The following AGTPBP1 variants were observed in gnomAD, a reference collection of about 807,000 sequenced individuals.
AGTPBP1 encodes ATP/GTP binding carboxypeptidase 1.
In AGTPBP1, 70 loss-of-function variants were observed where a neutral mutation model predicts 143.9. The ratio of observed to expected loss-of-function variants is 0.49; its 90% CI spans 0.40 to 0.59. The LOEUF (loss-of-function observed/expected upper bound fraction) is 0.59. AGTPBP1 is among the 20% of genes least tolerant of loss of function. The pLI is 0.00. For missense variants in AGTPBP1, 1,229 were observed against 1,464.5 expected, an observed-to-expected ratio of 0.84 and a Z score of 2.62; for synonymous variants, 463 against 500.2, an observed-to-expected ratio of 0.93 and a Z score of 0.99.
chr9:85,721,628 T>C (rs1182775373), intron 1 of AGTPBP1, among the ~76,000 whole-genome samples: 1 of 152,188 alleles, frequency 6.6e-6, no homozygotes, highest in African/African-American at 2.4e-5. Flanking sequence ...TTATCCAATT[T>C]GCCAGTCTAT....
upstream of AGTPBP1, among the ~76,000 whole-genome samples, chr9:85,744,220 A>ACACC (rs1766259144): frequency 6.6e-6 from 1 of 151,850 alleles, no homozygotes; most frequent in South Asian, 2.1e-4. Flanking sequence ...CATTAATACC[A>ACACC]CACCCACCTC....
the AGTPBP1 span, among the ~76,000 whole-genome samples, chr9:85,783,326 T>C: frequency 6.6e-6 from 1 of 152,342 alleles, no homozygotes; most frequent in African/African-American, 2.4e-5. Flanking sequence ...ATAAAAATAA[T>C]GTATAGTCAT....
At chr9:85,621,447 G>A (rs1238588323) in intron 14 of AGTPBP1, among the ~76,000 whole-genome samples, 162 bp from the exon 15 acceptor site, 2 of 150,832 alleles carry the variant, frequency 1.3e-5, no homozygotes, top group African/African-American at 2.4e-5. Context: ...CTAGCAATAC[G>A]TAATAAGACA....
intron 1 of AGTPBP1, among the ~76,000 whole-genome samples, chr9:85,715,155 G>A (rs1269494829): frequency 2.6e-5 from 4 of 151,952 alleles, no homozygotes; most frequent in African/African-American, 9.7e-5. Flanking sequence ...GCTGAGGCAG[G>A]AGAATCACTT....
chr9:85,584,009 A>T (rs1828448783), intron 23 of AGTPBP1, among the ~76,000 whole-genome samples: 1 of 151,866 alleles, frequency 6.6e-6, no homozygotes, highest in African/African-American at 2.4e-5. Context: ...CCAAGCAGAA[A>T]CGACTGGGTG....
chr9:85,730,100 A>C (rs1204765582), intron 1 of AGTPBP1, among the ~76,000 whole-genome samples: 1 of 152,182 alleles, frequency 6.6e-6, no homozygotes. Context: ...GCAATTTCAC[A>C]ATTAGACCAG....
chr9:85,654,709 G>A (rs1833384810), intron 11 of AGTPBP1, among the ~76,000 whole-genome samples: 1 of 151,964 alleles, frequency 6.6e-6, no homozygotes, highest in South Asian at 2.1e-4. Flanking sequence ...CGGGAATGGT[G>A]GCACAGGCCT....
At chr9:85,584,527 T>C (rs942980693) in intron 23 of AGTPBP1, among the ~76,000 whole-genome samples, 1 of 152,236 alleles carries the variant, frequency 6.6e-6, no homozygotes, top group Non-Finnish European at 1.5e-5. Flanking sequence ...GAATGGGGTA[T>C]GAAATTTACA....
intron 17 of AGTPBP1, among the ~76,000 whole-genome samples, chr9:85,618,129 G>T (rs116662114): frequency 0.012 from 1,760 of 151,824 alleles, 33 homozygotes; most frequent in African/African-American, 0.04. Context: ...AGTGCTTGGG[G>T]GTCTGATGCA....
intron 3 of AGTPBP1, among the ~76,000 whole-genome samples, chr9:85,688,655 A>C (rs1264558298): frequency 6.6e-6 from 1 of 152,250 alleles, no homozygotes; most frequent in African/African-American, 2.4e-5. Context: ...AAAGTGGATA[A>C]TAGAAATGTT....
intron 19 of AGTPBP1, among the ~76,000 whole-genome samples, chr9:85,591,260 A>C (rs528004252): frequency 6.6e-6 from 1 of 152,118 alleles, no homozygotes; most frequent in Admixed American, 6.5e-5. Flanking sequence ...CACAAAGGGC[A>C]AGGGAAATCA....
At chr9:85,583,235 T>G (rs543748959) in intron 23 of AGTPBP1, among the ~76,000 whole-genome samples, 1 of 152,166 alleles carries the variant, frequency 6.6e-6, no homozygotes, top group East Asian at 1.9e-4. Flanking sequence ...TCTGCAGAAC[T>G]GTAAGTCCAT....
the AGTPBP1 span, among the ~76,000 whole-genome samples, chr9:85,759,360 C>A: frequency 1.3e-5 from 2 of 151,514 alleles, no homozygotes; most frequent in Admixed American, 1.3e-4. Context: ...AAATTGACCA[C>A]ATAGTTGGAA....
chr9:85,782,104 A>G, the AGTPBP1 span, among the ~76,000 whole-genome samples: 3 of 152,226 alleles, frequency 2.0e-5, no homozygotes, highest in Non-Finnish European at 2.9e-5. Context: ...TCTTTTAGGC[A>G]CACATGTATT....
chr9:85,709,240 C>T (rs1353538528), intron 2 of AGTPBP1, among the ~76,000 whole-genome samples: 1 of 152,118 alleles, frequency 6.6e-6, no homozygotes, highest in Non-Finnish European at 1.5e-5. Flanking sequence ...ACCATCTCAA[C>T]AGACAGAAAA....
chr9:85,721,566 T>C (rs921072521), intron 1 of AGTPBP1, among the ~76,000 whole-genome samples: 5 of 152,010 alleles, frequency 3.3e-5, no homozygotes, highest in African/African-American at 9.7e-5. Flanking sequence ...ATTTGTGTCT[T>C]TGCATGTGAG....
At chr9:85,547,431 T>A in intron 25 of AGTPBP1, 145 bp from the exon 26 acceptor site, 1 of 655,064 alleles carries the variant, frequency 1.5e-6, no homozygotes, top group Non-Finnish European at 2.3e-6. Context: ...ATGAACAAGT[T>A]GAAATTTATA....
the AGTPBP1 span, among the ~76,000 whole-genome samples, chr9:85,750,892 G>C: frequency 6.6e-6 from 1 of 152,326 alleles, no homozygotes; most frequent in African/African-American, 2.4e-5. Flanking sequence ...CCAGTGGCCT[G>C]TCCTTATACC....
chr9:85,798,329 G>A, the AGTPBP1 span, among the ~76,000 whole-genome samples: 1 of 150,626 alleles, frequency 6.6e-6, no homozygotes, highest in African/African-American at 2.4e-5. Context: ...CATGTTTTCT[G>A]GCTTTCTGTA....
Sources: allele counts gnomAD v4.1 joint callset (sites outside exome capture counted in the v4.1 genomes callset), GRCh38; gene constraint gnomAD v4.1.1; transcripts MANE v1.5; gene names NCBI Gene and HGNC (gene_info 2026-07-23, HGNC 2026-07-21).